Variants in MARCHF10 observed in about 807,000 individuals in gnomAD.
MARCHF10 encodes membrane associated ring-CH-type finger 10.
In MARCHF10, 64 loss-of-function variants were observed where a neutral mutation model predicts 76.2. That is an observed-to-expected ratio of 0.84 (90% confidence interval 0.69 to 1.03). The LOEUF (loss-of-function observed/expected upper bound fraction) is 1.03, where lower values mean the gene tolerates loss of function less well. Among genes scored for constraint, MARCHF10 ranks in the 50% least tolerant of loss-of-function variants. MARCHF10 has a pLI of 0.00. For synonymous variants in MARCHF10, 340 were observed against 357.5 expected (o/e 0.95, Z 0.55); for missense variants, 875 against 958.0 (o/e 0.91, Z 1.14).
intron 3 of MARCHF10, among the ~76,000 whole-genome samples, chr17:62,777,718 AAAAAAAAAAG>A (rs1248956687): frequency 6.7e-6 from 1 of 149,862 alleles, no homozygotes; most frequent in Non-Finnish European, 1.5e-5. Flanking sequence ...CATCTCAAAA[AAAAAAAAAAG>A]AAAAAAAAAA....
chr17:62,791,224 C>A (rs2092836608), intron 2 of MARCHF10, among the ~76,000 whole-genome samples: 1 of 152,190 alleles, frequency 6.6e-6, no homozygotes, highest in African/African-American at 2.4e-5. Flanking sequence ...TTGTTCCAAT[C>A]CTTTTACAAG....
rs981301969 is a variant in MARCHF10 at position 62,705,250 on chromosome 17, G to A, written c.2371+289C>T. The A allele has an allele frequency of 2.9e-6, 4 of 1,363,318 alleles. No individual in the cohort carries two copies. The African/African-American group carries it at 4.4e-5, about 15-fold the overall frequency. 84.5% of individuals were successfully genotyped at this position (1,363,318 alleles called of 1,614,324 possible). A position where few individuals can be genotyped will look rare whatever the true frequency, so the allele number is the denominator to read the frequency against. On this transcript the variant is annotated intron_variant, in intron 10 of 10. Coordinates refer to ENST00000311269, the MANE Select transcript of MARCHF10 (RefSeq NM_152598.4). ...GCTGGACGCTGGAGAATCCCAGCAA[G>A]GAAAAGGAACAAATCTTATCTCATG... is the stretch of plus-strand genomic sequence containing the variant.
intron 10 of MARCHF10, chr17:62,704,880 T>C: frequency 5.2e-6 from 5 of 962,652 alleles, no homozygotes; most frequent in Non-Finnish European, 6.2e-6. Context: ...TTCTGCCTCC[T>C]GATGAAGTTC....
chr17:62,718,440 G>C (rs1193225395), intron 8 of MARCHF10, among the ~76,000 whole-genome samples: 3 of 152,196 alleles, frequency 2.0e-5, no homozygotes, highest in Non-Finnish European at 2.9e-5. Flanking sequence ...GAACCATGTG[G>C]AAAGGCTTGG....
intron 2 of MARCHF10, among the ~76,000 whole-genome samples, chr17:62,794,855 T>C (rs1415643922): frequency 6.6e-6 from 1 of 152,210 alleles, no homozygotes; most frequent in Non-Finnish European, 1.5e-5. Context: ...CGATCTGACT[T>C]GCATACCCCA....
chr17:62,786,542 G>A (rs1242217853), intron 3 of MARCHF10, among the ~76,000 whole-genome samples: 1 of 152,118 alleles, frequency 6.6e-6, no homozygotes, highest in Non-Finnish European at 1.5e-5. Flanking sequence ...TTTAAAAAAT[G>A]TTGTGTTGAG....
At chr17:62,785,729 C>A (rs1404618728) in intron 3 of MARCHF10, among the ~76,000 whole-genome samples, 1 of 152,156 alleles carries the variant, frequency 6.6e-6, no homozygotes, top group Non-Finnish European at 1.5e-5. Context: ...TATGAACAGA[C>A]ACTTTTCAAA....
intron 3 of MARCHF10, among the ~76,000 whole-genome samples, chr17:62,780,735 C>T (rs1049751120): frequency 3.3e-5 from 5 of 152,198 alleles, no homozygotes; most frequent in Non-Finnish European, 7.3e-5. Flanking sequence ...AACGTGTTCT[C>T]AGTCCTTGAG....
At chr17:62,733,948 C>T (rs1184082290) in intron 6 of MARCHF10, among the ~76,000 whole-genome samples, 1 of 152,034 alleles carries the variant, frequency 6.6e-6, no homozygotes, top group African/African-American at 2.4e-5. Flanking sequence ...TTTGGGAGGC[C>T]AAGACGGGTG....
chr17:62,710,976 C>T (rs1260133171), intron 9 of MARCHF10, among the ~76,000 whole-genome samples: 4 of 152,110 alleles, frequency 2.6e-5, no homozygotes, highest in East Asian at 1.9e-4. Flanking sequence ...GAGGCTCATT[C>T]GGTTATATGA....
At chr17:62,760,222 A>G (rs2092162043) in intron 3 of MARCHF10, among the ~76,000 whole-genome samples, 1 of 152,198 alleles carries the variant, frequency 6.6e-6, no homozygotes, top group South Asian at 2.1e-4. Context: ...TTTGTAGAAC[A>G]TTATGAAAGA....
intron 4 of MARCHF10, among the ~76,000 whole-genome samples, chr17:62,747,705 T>C (rs543043685): frequency 1.1e-4 from 17 of 152,318 alleles, no homozygotes; most frequent in African/African-American, 4.1e-4. Context: ...GACAACTGAA[T>C]TTGACCAGAA....
chr17:62,703,161 G>C (rs2089351741), intron 10 of MARCHF10, among the ~76,000 whole-genome samples: 1 of 152,180 alleles, frequency 6.6e-6, no homozygotes, highest in Non-Finnish European at 1.5e-5. Context: ...GTGCAAGGGA[G>C]GGGGGCCTGG....
chr17:62,757,077 A>G (rs1156476296), intron 4 of MARCHF10, among the ~76,000 whole-genome samples: 1 of 152,144 alleles, frequency 6.6e-6, no homozygotes, highest in Non-Finnish European at 1.5e-5. Context: ...TTTTGATGAC[A>G]TGGATTATCA....
chr17:62,741,983 C>A (rs2091526632), intron 5 of MARCHF10, among the ~76,000 whole-genome samples: 1 of 151,916 alleles, frequency 6.6e-6, no homozygotes, highest in African/African-American at 2.4e-5. Context: ...CAGGCATGAG[C>A]CACCGCGCCC....
At chr17:62,763,282 T>C (rs2092255417) in intron 3 of MARCHF10, among the ~76,000 whole-genome samples, 1 of 152,200 alleles carries the variant, frequency 6.6e-6, no homozygotes, top group Non-Finnish European at 1.5e-5. Flanking sequence ...AAAAATCCTA[T>C]TGGATTTCAC....
intron 4 of MARCHF10, chr17:62,746,905 C>T: frequency 6.5e-7 from 1 of 1,536,142 alleles, no homozygotes; most frequent in Non-Finnish European, 8.7e-7. Flanking sequence ...GACCTTTCTT[C>T]CCCAGACTGC....
chr17:62,800,048 T>C lies in MARCHF10; in HGVS notation c.90+1598A>G, dbSNP rs1215193631. ...TTAACCTGTTTTATTTTCCTCATTGTATTTATCAATAACTGAAACTACCTT... is the reference window on the plus strand; with the variant it reads ...TTAACCTGTTTTATTTTCCTCATTGCATTTATCAATAACTGAAACTACCTT... On this transcript the variant is annotated intron_variant, in intron 2 of 10. Transcript: ENST00000311269. Among the ~76,000 whole-genome samples the C allele has an allele frequency of 4.6e-5, 7 of 152,364 alleles. No homozygotes were observed. The East Asian group carries it at 1.3e-3, about 29-fold the overall frequency.
chr17:62,784,618 G>C (rs2092716207), intron 3 of MARCHF10, among the ~76,000 whole-genome samples: 1 of 152,194 alleles, frequency 6.6e-6, no homozygotes, highest in Non-Finnish European at 1.5e-5. Context: ...TGTATATTTA[G>C]AAAACCCCAT....
Sources: allele counts gnomAD v4.1 joint callset (sites outside exome capture counted in the v4.1 genomes callset), GRCh38; gene constraint gnomAD v4.1.1; transcripts MANE v1.5; gene names NCBI Gene and HGNC (gene_info 2026-07-23, HGNC 2026-07-21).